ITGA1: variants seen among roughly 807,000 people sequenced by gnomAD.
ITGA1 encodes the protein integrin alpha-1.
A neutral mutation model predicts 145.9 loss-of-function variants in ITGA1; 85 were observed. The ratio of observed to expected loss-of-function variants is 0.58; its 90% CI spans 0.49 to 0.70. The LOEUF is 0.70. ITGA1 is among the 30% of genes least tolerant of loss of function. The probability of loss-of-function intolerance (pLI) is 0.00; values close to 1 mark genes in which losing one functional copy is unlikely to be tolerated. For missense variants in ITGA1, 1,351 were observed against 1,418.7 expected (o/e 0.95, Z 0.77); for synonymous variants, 520 against 495.3 (o/e 1.05, Z -0.66).
chr5:52,947,273 T>C, intron 27 of ITGA1, 72 bp from the exon 28 acceptor site: 1 of 874,720 alleles, frequency 1.1e-6, no homozygotes, highest in Non-Finnish European at 1.9e-6. Flanking sequence ...AATTGTAGCC[T>C]GCAAGAACTC....
intron 1 of ITGA1, among the ~76,000 whole-genome samples, chr5:52,831,968 A>G (rs1171369804): frequency 1.3e-5 from 2 of 152,140 alleles, no homozygotes; most frequent in Non-Finnish European, 2.9e-5. Context: ...GTAGCCATCT[A>G]GATTTCTTAG....
chr5:52,888,313 G>T (rs916807096), intron 8 of ITGA1, among the ~76,000 whole-genome samples: 1 of 152,106 alleles, frequency 6.6e-6, no homozygotes, highest in Non-Finnish European at 1.5e-5. Context: ...AGGAGGAAAG[G>T]AAGGGAAGAG....
chr5:52,931,458 A>G (rs773810501), intron 21 of ITGA1: 3 of 152,256 alleles, frequency 2.0e-5, no homozygotes, highest in Non-Finnish European at 4.4e-5. Context: ...ATGCACATAT[A>G]TACATGTGTT....
chr5:52,930,188 A>T (rs1202318907), intron 21 of ITGA1, among the ~76,000 whole-genome samples: 1 of 152,184 alleles, frequency 6.6e-6, no homozygotes, highest in African/African-American at 2.4e-5. Flanking sequence ...AGGAAAGTGA[A>T]ATAGTGGTCT....
intron 21 of ITGA1, chr5:52,931,098 T>A (rs1750887959): frequency 6.6e-6 from 1 of 152,188 alleles, no homozygotes; most frequent in Non-Finnish European, 1.5e-5. Context: ...AGCAGAGCCA[T>A]TAAAAAGTAC....
intron 11 of ITGA1, chr5:52,905,252 T>C (rs2111841016): frequency 6.6e-6 from 1 of 152,290 alleles, no homozygotes; most frequent in South Asian, 2.1e-4. Flanking sequence ...AATTCTAGTG[T>C]TTTATCGGGA....
chr5:52,912,094 T>C (rs1181595293), intron 14 of ITGA1, among the ~76,000 whole-genome samples: 6 of 142,576 alleles, frequency 4.2e-5, no homozygotes, highest in Non-Finnish European at 6.1e-5. Flanking sequence ...ATAGATACAC[T>C]ATATATAGCG....
At chr5:52,825,690 C>G (rs914392729) in intron 1 of ITGA1, among the ~76,000 whole-genome samples, 1 of 152,132 alleles carries the variant, frequency 6.6e-6, no homozygotes, top group Admixed American at 6.5e-5. Context: ...AAGGCCAACA[C>G]AGGCAGATCA....
chr5:52,922,897 A>G lies in ITGA1; in HGVS notation c.2403+10A>G. The G allele has an allele frequency of 6.7e-7, 1 of 1,484,190 alleles. No homozygotes were observed. Among genetic ancestry groups the G allele is most frequent in the Non-Finnish European group, 9.4e-7 (1 of 1,063,428 alleles). 91.9% of individuals were successfully genotyped at this position (1,484,190 alleles called of 1,614,324 possible). ...CTCAGTACATGAATATGTAAGTCAG[A>G]TTTCTTTAAAATACAAAATACCAAC... On this transcript the variant is annotated intron_variant, in intron 18 of 28. Transcript: ENST00000282588.
intron 9 of ITGA1, among the ~76,000 whole-genome samples, chr5:52,896,470 G>T (rs914062930): frequency 1.3e-5 from 2 of 152,118 alleles, no homozygotes; most frequent in African/African-American, 2.4e-5. Context: ...CTTCACTGCC[G>T]CGTCTAATCT....
intron 1 of ITGA1, among the ~76,000 whole-genome samples, chr5:52,834,455 GA>G (rs753306767): frequency 1.5e-4 from 22 of 151,574 alleles, no homozygotes; most frequent in Admixed American, 4.0e-4. Context: ...GGGGTGGAGA[GA>G]GAGAGAGGGA....
intron 7 of ITGA1, among the ~76,000 whole-genome samples, chr5:52,882,651 T>C (rs1268570317): frequency 1.3e-5 from 2 of 152,192 alleles, no homozygotes; most frequent in African/African-American, 4.8e-5. Context: ...GGTGAACACA[T>C]AACTCAGTCT....
intron 22 of ITGA1, 88 bp downstream of exon 22, chr5:52,932,224 G>C (rs1750903179): frequency 1.3e-6 from 1 of 751,036 alleles, no homozygotes; most frequent in African/African-American, 1.8e-5. Flanking sequence ...AAGGGCATCA[G>C]CATCACCTGG....
chr5:52,830,333 T>G (rs554628650), intron 1 of ITGA1, among the ~76,000 whole-genome samples: 1 of 152,298 alleles, frequency 6.6e-6, no homozygotes, highest in South Asian at 2.1e-4. Context: ...TTTAATTCAG[T>G]ACATTCTCAA....
intron 12 of ITGA1, among the ~76,000 whole-genome samples, chr5:52,908,630 A>G (rs1750447697): frequency 6.6e-6 from 1 of 152,236 alleles, no homozygotes; most frequent in African/African-American, 2.4e-5. Flanking sequence ...AAGAGAGGTT[A>G]GAGTGAAATC....
At chr5:52,895,628 C>T (rs913591839) in intron 9 of ITGA1, among the ~76,000 whole-genome samples, 6 of 152,084 alleles carry the variant, frequency 3.9e-5, no homozygotes, top group Non-Finnish European at 8.8e-5. Flanking sequence ...AAAAATGAAG[C>T]CCACTTCAGC....
At chr5:52,841,135 G>A (rs989320813) in intron 1 of ITGA1, among the ~76,000 whole-genome samples, 22 of 152,236 alleles carry the variant, frequency 1.4e-4, no homozygotes, top group Non-Finnish European at 4.4e-5. Flanking sequence ...GTTGATGGAG[G>A]TAGGTATCTT....
rs769937948 is a variant in ITGA1 at position 52,877,336 on chromosome 5, A to T, written c.625-4537A>T. On this transcript the variant is annotated intron_variant, in intron 6 of 28. Coordinates refer to ENST00000282588, the MANE Select transcript of ITGA1 (RefSeq NM_181501.2). Reference sequence around the variant, plus strand: ...ATTGCCATGGTCCAAGTTCAAAGCAATGATGTCTGGCCTGAGCTAAGGTAA... The same window carrying T: ...ATTGCCATGGTCCAAGTTCAAAGCATTGATGTCTGGCCTGAGCTAAGGTAA... Among the ~76,000 whole-genome samples, 78 of 152,154 alleles carry T rather than the reference A, an allele frequency of 5.1e-4. 2 individuals are homozygous for T. Among genetic ancestry groups the T allele is most frequent in the Admixed American group, 2.0e-4 (3 of 15,274 alleles).
At chr5:52,903,549 G>C (rs1293479579) in intron 11 of ITGA1, 1 of 152,148 alleles carries the variant, frequency 6.6e-6, no homozygotes, top group Non-Finnish European at 1.5e-5. Context: ...TTTAGCACTT[G>C]TAAGAATAAA....
Sources: allele counts gnomAD v4.1 joint callset (sites outside exome capture counted in the v4.1 genomes callset), GRCh38; gene constraint gnomAD v4.1.1; transcripts MANE v1.5; gene names NCBI Gene and HGNC (gene_info 2026-07-23, HGNC 2026-07-21).